Variants in PHKB observed in about 807,000 individuals in gnomAD.
The protein encoded by PHKB is phosphorylase b kinase regulatory subunit beta.
A neutral mutation model predicts 152.1 loss-of-function variants in PHKB; 122 were observed. The ratio of observed to expected loss-of-function variants is 0.80; its 90% CI spans 0.69 to 0.93. PHKB has a LOEUF of 0.93. PHKB is among the 40% of genes least tolerant of loss of function. The pLI is 0.00. For synonymous variants in PHKB, 436 were observed against 464.9 expected (o/e 0.94, Z 0.80); for missense variants, 1,304 against 1,328.4 (o/e 0.98, Z 0.29).
At chr16:47,493,924 A>T (rs11639962) in intron 1 of PHKB, among the ~76,000 whole-genome samples, 3 of 152,258 alleles carry the variant, frequency 2.0e-5, no homozygotes, top group Admixed American at 6.5e-5. Context: ...CGAGGTCAAC[A>T]GATCTCTAGA....
intron 7 of PHKB, among the ~76,000 whole-genome samples, chr16:47,576,181 A>G (rs1313013221): frequency 6.6e-6 from 1 of 152,194 alleles, no homozygotes; most frequent in Non-Finnish European, 1.5e-5. Context: ...TTAAATTTTT[A>G]TAGATTAAAA....
intron 1 of PHKB, among the ~76,000 whole-genome samples, chr16:47,475,442 A>G (rs1400894371): frequency 6.6e-6 from 1 of 152,188 alleles, no homozygotes; most frequent in African/African-American, 2.4e-5. Flanking sequence ...AATACATTTA[A>G]TAAGTTTTGA....
chr16:47,611,678 A>G (rs1280474349), intron 14 of PHKB, among the ~76,000 whole-genome samples: 1 of 152,184 alleles, frequency 6.6e-6, no homozygotes, highest in Non-Finnish European at 1.5e-5. Flanking sequence ...AAACACACAC[A>G]CACACACACA....
intron 15 of PHKB, 39 bp downstream of exon 15, chr16:47,641,129 AGG>A: frequency 8.6e-7 from 1 of 1,168,144 alleles, no homozygotes; most frequent in Middle Eastern, 1.9e-4. Context: ...TTTTGTGGGG[AGG>A]GGAGGGGAGG....
chr16:47,497,826 C>G (rs1597031812), intron 2 of PHKB, among the ~76,000 whole-genome samples: 1 of 152,100 alleles, frequency 6.6e-6, no homozygotes, highest in Non-Finnish European at 1.5e-5. Context: ...GCTCATTTAC[C>G]TAAACATGGT....
intron 6 of PHKB, among the ~76,000 whole-genome samples, chr16:47,521,332 G>T (rs1227068630): frequency 6.6e-6 from 1 of 152,046 alleles, no homozygotes; most frequent in Non-Finnish European, 1.5e-5. Context: ...TGATTTTAGG[G>T]CAAAACCTTT....
At chr16:47,564,409 G>T (rs1455353063) in intron 7 of PHKB, among the ~76,000 whole-genome samples, 1 of 152,082 alleles carries the variant, frequency 6.6e-6, no homozygotes, top group Admixed American at 6.6e-5. Context: ...GTTTTAATAT[G>T]CATTTCCCTG....
In PHKB at chr16:47,479,651, G is replaced by A. The variant is rs555545307; in HGVS notation, c.77-17748G>A. Among the ~76,000 whole-genome samples the A allele has an allele frequency of 5.9e-5, 9 of 152,240 alleles. No homozygotes were observed. The South Asian group carries it at 1.9e-3, about 32-fold the overall frequency. ...GAAGTCTATCTACAGCATCATATTT[G>A]TTGAGCAGCAGTCCTTTGTGCCATC... On this transcript the variant is annotated intron_variant, in intron 1 of 30. Transcript: ENST00000323584.
chr16:47,503,030 G>A lies in PHKB; in HGVS notation c.345G>A (p.Glu115=). 6.2e-7 allele frequency: 1 copy of A among 1,613,452 alleles called. No individual in the cohort carries two copies. The highest frequency in any genetic ancestry group is 8.5e-7 in the Non-Finnish European group (1 of 1,179,366). Residue 115 remains glutamate (E), a synonymous_variant, in exon 4 of 31, where the codon GAG becomes GAA. Coordinates refer to ENST00000323584, the MANE Select transcript of PHKB (RefSeq NM_000293.3). ...ACAAGGGAAGGACCCATGAGCTGGA[G>A]CACTCAGCTATAAAATGCATGAGAG... is the stretch of plus-strand genomic sequence containing the variant. ...DDDKGRTHEL[E]HSAIKCMRGI...
At position 47,580,216 on chromosome 16, in the gene PHKB, G is replaced by A. The variant is rs879522120; in HGVS notation, c.711-79G>A. ...TAAATGTTAATAAAGAAATTTGCTC[G>A]TGAATATTCATCAGATAATGGTTCT... On this transcript the variant is annotated intron_variant, in intron 7 of 30. Transcript: ENST00000323584. The A allele has an allele frequency of 6.6e-5, 70 of 1,054,524 alleles. 1 individual carries two copies. The highest frequency in any genetic ancestry group is 4.1e-4 in the African/African-American group (26 of 63,566). 65.3% of individuals were successfully genotyped at this position (1,054,524 alleles called of 1,614,324 possible). A position where few individuals can be genotyped will look rare whatever the true frequency, so the allele number is the denominator to read the frequency against.
chr16:47,530,109 G>A (rs1191258421), intron 6 of PHKB, among the ~76,000 whole-genome samples: 1 of 150,596 alleles, frequency 6.6e-6, no homozygotes, highest in Non-Finnish European at 1.5e-5. Flanking sequence ...GACAAGAAAA[G>A]GAGATACTGA....
intron 14 of PHKB, among the ~76,000 whole-genome samples, chr16:47,638,568 T>A (rs16942513): frequency 0.12 from 17,897 of 152,246 alleles, 2,299 homozygotes; most frequent in African/African-American, 0.32. Context: ...ATATCCACAG[T>A]ATATCATGTC....
chr16:47,634,414 G>T lies in PHKB; in HGVS notation c.1459-6621G>T, dbSNP rs548533546. Among the ~76,000 whole-genome samples the T allele has an allele frequency of 2.2e-4, 34 of 152,326 alleles. No homozygotes were observed. In the Middle Eastern group the frequency reaches 0.014, roughly 61 times the overall value. On this transcript the variant is annotated intron_variant, in intron 14 of 30. Coordinates refer to ENST00000323584, the MANE Select transcript of PHKB (RefSeq NM_000293.3). ...AGGATGCCTACTATGTTCCATGTGT[G>T]GGGAGGTGGCAGTAGACCAGCTAGA...
At chr16:47,650,719 C>G in intron 19 of PHKB, 93 bp downstream of exon 19, 1 of 1,245,346 alleles carries the variant, frequency 8.0e-7, no homozygotes, top group Non-Finnish European at 1.2e-6. Context: ...GTTTTTGTAT[C>G]CTTCTTAGTA....
intron 6 of PHKB, among the ~76,000 whole-genome samples, chr16:47,546,700 C>G (rs1431541005): frequency 6.6e-6 from 1 of 152,124 alleles, no homozygotes; most frequent in African/African-American, 2.4e-5. Context: ...TTCACCTATG[C>G]CATGCCCCCA....
intron 7 of PHKB, among the ~76,000 whole-genome samples, chr16:47,567,266 C>G (rs192862919): frequency 6.6e-6 from 1 of 151,698 alleles, no homozygotes; most frequent in African/African-American, 2.4e-5. Context: ...TGATTTCTTT[C>G]GTCACTGTTT....
intron 14 of PHKB, among the ~76,000 whole-genome samples, chr16:47,615,114 A>G (rs946176354): frequency 5.3e-5 from 8 of 152,152 alleles, no homozygotes; most frequent in Non-Finnish European, 1.0e-4. Flanking sequence ...TGTTTCCTCT[A>G]CAGATAATGC....
chr16:47,538,379 TG>T (rs1446916715), intron 6 of PHKB, among the ~76,000 whole-genome samples: 1 of 152,232 alleles, frequency 6.6e-6, no homozygotes, highest in Non-Finnish European at 1.5e-5. Context: ...GAGGGGACCC[TG>T]ATCAATATTC....
At chr16:47,581,734 C>T (rs1417726577) in intron 8 of PHKB, among the ~76,000 whole-genome samples, 1 of 152,164 alleles carries the variant, frequency 6.6e-6, no homozygotes, top group Non-Finnish European at 1.5e-5. Context: ...GGCTGGAGTG[C>T]GATGGCGCGA....
Sources: allele counts gnomAD v4.1 joint callset (sites outside exome capture counted in the v4.1 genomes callset), GRCh38; gene constraint gnomAD v4.1.1; transcripts MANE v1.5; gene names NCBI Gene and HGNC (gene_info 2026-07-23, HGNC 2026-07-21).